The following LTBP2 variants were observed in gnomAD, a reference collection of about 807,000 sequenced individuals.
LTBP2 encodes the protein latent-transforming growth factor beta-binding protein 2.
A neutral mutation model predicts 210.6 loss-of-function variants in LTBP2; 103 were observed. That is an observed-to-expected ratio of 0.49 (90% CI 0.42 to 0.58). The LOEUF (loss-of-function observed/expected upper bound fraction) is 0.58, where lower values mean the gene tolerates loss of function less well. Among genes scored for constraint, LTBP2 ranks in the 20% least tolerant of loss-of-function variants. LTBP2 has a pLI of 0.00. For synonymous variants in LTBP2, 1,007 were observed against 1,015.0 expected, an observed-to-expected ratio of 0.99 and a Z score of 0.15; for missense variants, 2,313 against 2,494.5, an observed-to-expected ratio of 0.93 and a Z score of 1.55.
intron 25 of LTBP2, 68 bp from the exon 26 acceptor site, chr14:74,507,378 C>A: frequency 6.2e-7 from 1 of 1,602,378 alleles, no homozygotes; most frequent in South Asian, 1.1e-5. Flanking sequence ...CCCACAGGGT[C>A]ATGCCCCACA....
At chr14:74,506,965 A>C in intron 26 of LTBP2, 142 bp from the exon 27 acceptor site, 1 of 1,541,086 alleles carries the variant, frequency 6.5e-7, no homozygotes, top group Admixed American at 2.0e-5. Flanking sequence ...TATTAGCACC[A>C]AGACCTGTGA....
intron 30 of LTBP2, 121 bp from the exon 31 acceptor site, chr14:74,504,175 G>A (rs2086952790): frequency 2.3e-6 from 3 of 1,294,644 alleles, no homozygotes; most frequent in Admixed American, 2.0e-5. Context: ...AGGTGGCTTT[G>A]GGCAAGTTGC....
Position 74,511,268 on chromosome 14 carries a change from C to A in LTBP2, c.3005G>T (p.Arg1002Leu), listed in dbSNP as rs529121096. The A allele has an allele frequency of 1.2e-6, 2 of 1,613,968 alleles. No homozygotes were observed. The highest frequency in any genetic ancestry group is 2.2e-5 in the South Asian group (2 of 91,080). Residue 1002 changes from arginine to leucine, a missense_variant, in exon 19 of 36, where the codon CGG becomes CTG. Arg to Leu is a moderately radical substitution (Grantham distance 102). Transcript: ENST00000261978. ...YTCLACEEGY[R>L]GQSGSCVDVN... ...ACCTACACAGCTCCCACTCTGGCCC[C>A]GGTAGCCCTCCTCACAGGCCAGACA...
chr14:74,549,954 A>T lies in LTBP2; in HGVS notation c.1698T>A (p.Pro566=). Residue 566 remains proline (P), a synonymous_variant, in exon 8 of 36, where the codon CCT becomes CCA. Transcript: ENST00000261978. The part of the protein sequence containing the change: ...LNTVNGQCAN[P]LLELTTQEDC... ...CCTCCTGGGTAGTCAGCTCCAGCAG[A>T]GGGTTGGCACACTGGAAGGAGAGGC... 6.2e-7 allele frequency: 1 copy of T among 1,613,266 alleles called. No homozygotes were observed. Among genetic ancestry groups the T allele is most frequent in the Non-Finnish European group, 8.5e-7 (1 of 1,179,234 alleles).
intron 2 of LTBP2, among the ~76,000 whole-genome samples, chr14:74,591,561 G>A (rs1355239996): frequency 1.3e-5 from 2 of 152,190 alleles, no homozygotes; most frequent in South Asian, 2.1e-4. Flanking sequence ...AGCTCTCGCC[G>A]GCTTCACTCG....
intron 1 of LTBP2, among the ~76,000 whole-genome samples, chr14:74,608,185 G>C (rs2088554766): frequency 1.3e-5 from 2 of 152,022 alleles, no homozygotes; most frequent in African/African-American, 4.8e-5. Context: ...CTCCCAAAGT[G>C]CTGGGATTAC....
Position 74,506,691 on chromosome 14 carries a change from TCCTCA to T in LTBP2, c.4033+2_4033+6del. On this transcript the variant is annotated splice_donor_variant and splice_donor_5th_base_variant and intron_variant, in intron 27 of 35. Coordinates refer to ENST00000261978, the MANE Select transcript of LTBP2 (RefSeq NM_000428.3). LOFTEE classifies it high-confidence loss of function. ...CCCAGACCTTGGGTAGCCCACAGGC[TCCTCA>T]CCCACACAGTCCCAGCCTGAGGGAG... 6.2e-7 allele frequency: 1 copy of T among 1,613,106 alleles called. No homozygotes were observed. The highest frequency in any genetic ancestry group is 8.5e-7 in the Non-Finnish European group (1 of 1,179,994).
chr14:74,522,981 C>T (rs539486513), intron 15 of LTBP2, 63 bp from the exon 16 acceptor site: 93 of 1,576,412 alleles, frequency 5.9e-5, no homozygotes, highest in Middle Eastern at 5.3e-4. Flanking sequence ...GGCAGTGGAG[C>T]GGGGTGGGGA....
At chr14:74,524,611 G>A (rs1001804211) in intron 15 of LTBP2, among the ~76,000 whole-genome samples, 2 of 149,818 alleles carry the variant, frequency 1.3e-5, no homozygotes, top group African/African-American at 2.4e-5. Context: ...CCCCACACCC[G>A]CCCCTCGCCC....
intron 8 of LTBP2, among the ~76,000 whole-genome samples, chr14:74,540,426 T>C (rs932293151): frequency 6.6e-6 from 1 of 151,828 alleles, no homozygotes; most frequent in African/African-American, 2.4e-5. Context: ...TGAGTCGAGA[T>C]CATGCCTCTG....
At position 74,532,508 on chromosome 14, in the gene LTBP2, C is replaced by G; in HGVS notation, c.1905G>C (p.Ala635=). The change falls in exon 10 of 36, where the codon GCG becomes GCC. Residue 635 remains alanine, a synonymous_variant. Coordinates refer to ENST00000261978, the MANE Select transcript of LTBP2 (RefSeq NM_000428.3). The part of the protein sequence containing the change: ...ECLTLGLCKD[A]ECVNTRGSYL... Reference sequence around the variant, plus strand: ...AGCTGCCCCTGGTATTCACACACTCCGCGTCCTTGCACAGGCCCAGGGTCA... The same window carrying G: ...AGCTGCCCCTGGTATTCACACACTCGGCGTCCTTGCACAGGCCCAGGGTCA... 1 of 1,614,164 alleles carries G rather than the reference C, an allele frequency of 6.2e-7. No individual in the cohort carries two copies. The highest frequency in any genetic ancestry group is 8.5e-7 in the Non-Finnish European group (1 of 1,180,030).
chr14:74,562,132 C>A (rs1437772276), intron 3 of LTBP2, among the ~76,000 whole-genome samples: 1 of 151,788 alleles, frequency 6.6e-6, no homozygotes, highest in Non-Finnish European at 1.5e-5. Context: ...ATTACTTGAA[C>A]CTGGGAGGTG....
chr14:74,515,729 G>T (rs542012273), intron 18 of LTBP2, among the ~76,000 whole-genome samples: 1 of 152,194 alleles, frequency 6.6e-6, no homozygotes, highest in South Asian at 2.1e-4. Context: ...CCTGTCAGTG[G>T]TGGGTGCCAT....
chr14:74,569,176 CAGGGAGGGAGGGAGGG>C (rs1210332263), intron 3 of LTBP2, among the ~76,000 whole-genome samples: 6 of 92,504 alleles, frequency 6.5e-5, no homozygotes, highest in East Asian at 6.5e-4. Flanking sequence ...AGAAGGGAAG[CAGGGAGGGAGGGAGGG>C]AGGGAGGGAG....
At chr14:74,574,999 G>T (rs374792401) in intron 3 of LTBP2, among the ~76,000 whole-genome samples, 1 of 152,202 alleles carries the variant, frequency 6.6e-6, no homozygotes, top group East Asian at 1.9e-4. Flanking sequence ...CCAACCCAGA[G>T]ATGTCTGCTC....
chr14:74,502,237 C>G (rs1442079950), intron 34 of LTBP2, among the ~76,000 whole-genome samples: 2 of 152,168 alleles, frequency 1.3e-5, no homozygotes, highest in African/African-American at 2.4e-5. Context: ...CGAGTCATCA[C>G]GGTGGGCCTT....
At chr14:74,529,221 C>T (rs2087319521) in intron 10 of LTBP2, 99 bp from the exon 11 acceptor site, 2 of 1,378,274 alleles carry the variant, frequency 1.5e-6, no homozygotes, top group Admixed American at 2.0e-5. Flanking sequence ...GCCACATGCA[C>T]TCAGACTGGC....
intron 2 of LTBP2, among the ~76,000 whole-genome samples, chr14:74,603,259 C>G (rs1175792273): frequency 6.6e-6 from 1 of 152,174 alleles, no homozygotes; most frequent in Admixed American, 6.5e-5. Context: ...TCCCGAGTAG[C>G]TGGGATTACA....
chr14:74,514,427 A>G (rs948355408), intron 18 of LTBP2, among the ~76,000 whole-genome samples: 11 of 152,212 alleles, frequency 7.2e-5, no homozygotes, highest in Non-Finnish European at 1.6e-4. Context: ...CATGGCAACA[A>G]TCAATCCAGA....
Sources: gnomAD v4.1 joint callset for allele counts (sites outside exome capture counted in the v4.1 genomes callset) on GRCh38, gnomAD v4.1.1 for gene constraint, MANE v1.5 for transcripts, NCBI Gene and HGNC (gene_info 2026-07-23, HGNC 2026-07-21) for gene names.